MAP4: variants seen among roughly 807,000 people sequenced by gnomAD.
MAP4 encodes the protein microtubule-associated protein 4.
Under a neutral mutation model 170.2 loss-of-function variants are expected in MAP4, and 76 were observed. The observed-to-expected ratio is 0.45, with a 90% confidence interval of 0.37 to 0.54. The LOEUF is 0.54. MAP4 is among the 20% of genes least tolerant of loss of function. The pLI is 0.00. For synonymous variants in MAP4, 909 were observed against 994.5 expected (o/e 0.91, Z 1.62); for missense variants, 2,506 against 2,748.0 (o/e 0.91, Z 1.97).
intron 1 of MAP4, among the ~76,000 whole-genome samples, chr3:48,085,032 A>G (rs1359924840): frequency 6.6e-6 from 1 of 152,080 alleles, no homozygotes; most frequent in East Asian, 1.9e-4. Flanking sequence ...GTTTAGAAAG[A>G]CAAAGTGAAA....
intron 8 of MAP4, among the ~76,000 whole-genome samples, chr3:47,912,709 T>C (rs2100036614): frequency 6.6e-6 from 1 of 152,158 alleles, no homozygotes; most frequent in African/African-American, 2.4e-5. Context: ...ATTGAACTTT[T>C]AAAAATGAAA....
rs1364515356 is a variant in MAP4 at position 47,910,238 on chromosome 3, C to T, written c.4183G>A (p.Glu1395Lys). 6.2e-7 allele frequency: 1 copy of T among 1,610,062 alleles called. No homozygotes were observed. Among genetic ancestry groups the T allele is most frequent in the Non-Finnish European group, 8.5e-7 (1 of 1,179,802 alleles). ...TCAATTCCCTGGTCCCCTGTGGTTT[C>T]CATGGGAACATGTATTTTTGTTGCA... Reference protein sequence around the residue: ...IDATKIHVPMETTGDQGIEGM... With the variant: ...IDATKIHVPMKTTGDQGIEGM... Residue 1395 changes from glutamate to lysine, a missense_variant, in exon 9 of 21, where the codon GAA becomes AAA. This residue lies in a region of MAP4 where 2,008 missense variants were observed against 2,206.0 expected (regional missense o/e 0.91). Coordinates refer to ENST00000683076, the MANE Select transcript of MAP4 (RefSeq NM_001385682.1).
intron 1 of MAP4, among the ~76,000 whole-genome samples, chr3:48,073,220 T>C (rs945011100): frequency 6.1e-5 from 9 of 148,188 alleles, no homozygotes; most frequent in African/African-American, 2.3e-4. Flanking sequence ...AAAATAATCA[T>C]AATTTTAAAA....
At chr3:48,056,554 C>CA in intron 1 of MAP4, among the ~76,000 whole-genome samples, 2 of 99,164 alleles carry the variant, frequency 2.0e-5, no homozygotes, top group African/African-American at 6.1e-5. Flanking sequence ...TCTGCCCGGC[C>CA]GCCCCTACTG....
intron 10 of MAP4, among the ~76,000 whole-genome samples, chr3:47,880,242 G>A (rs972930487): frequency 2.6e-4 from 38 of 145,364 alleles, no homozygotes; most frequent in African/African-American, 1.3e-4. Context: ...TACAGTACCC[G>A]CCACCACACC....
At chr3:48,030,032 T>C (rs1453758387) in intron 1 of MAP4, among the ~76,000 whole-genome samples, 1 of 147,682 alleles carries the variant, frequency 6.8e-6, no homozygotes, top group African/African-American at 2.5e-5. Context: ...TATATATTCA[T>C]ATGTAATATT....
rs773359973 is a variant in MAP4 at position 47,869,316 on chromosome 3, C to T, written c.6306G>A (p.Glu2102=). The T allele has an allele frequency of 1.9e-6, 3 of 1,612,854 alleles. No homozygotes were observed. In the East Asian group the frequency reaches 6.7e-5, roughly 36 times the overall value. The change falls in exon 16 of 21, where the codon GAG becomes GAA. Residue 2102 remains glutamate, a synonymous_variant. Transcript: ENST00000683076. ...HQPGGGRAKV[E]KKTEAAATTR... ...TTGTAGCAGCTGCCTCTGTTTTTTT[C>T]TCTACTTTGGCCTGGATGGAGATAA...
At chr3:47,969,882 A>G (rs1021693632) in intron 3 of MAP4, among the ~76,000 whole-genome samples, 1 of 152,088 alleles carries the variant, frequency 6.6e-6, no homozygotes, top group African/African-American at 2.4e-5. Flanking sequence ...AAGAGTCTTA[A>G]GCAATGAGAG....
At position 47,891,371 on chromosome 3, in the gene MAP4, A is replaced by G. The variant is rs867164811; in HGVS notation, c.5434+11579T>C. Reference sequence around the variant, plus strand: ...TATCTCTTTAGTAGACAAGATGGGCAGTTTCCCAGGGCTCAATTTGTAGCT... The same window carrying G: ...TATCTCTTTAGTAGACAAGATGGGCGGTTTCCCAGGGCTCAATTTGTAGCT... On this transcript the variant is annotated intron_variant, in intron 10 of 20. Coordinates refer to ENST00000683076, the MANE Select transcript of MAP4 (RefSeq NM_001385682.1). The G allele has an allele frequency of 2.7e-5, 41 of 1,535,974 alleles. No individual in the cohort carries two copies. The Middle Eastern group carries it at 1.3e-3, about 50-fold the overall frequency.
chr3:47,963,279 T>C (rs1257570168), intron 3 of MAP4, among the ~76,000 whole-genome samples: 1 of 152,212 alleles, frequency 6.6e-6, no homozygotes, highest in Non-Finnish European at 1.5e-5. Context: ...CTGTAAGAAC[T>C]TTCTATGTGG....
Position 47,870,918 on chromosome 3 carries a change from G to A in MAP4, c.6189C>T (p.Pro2063=). ...PTSAKPSSTT[P]RLSRLATNTS... is the part of the protein sequence containing the mutation. ...TATTGGTGGCCAGGCGGCTGAGCCGGGGGGTGGTGGAGCTGGGTTTGGCCG... is the reference window on the plus strand; with the variant it reads ...TATTGGTGGCCAGGCGGCTGAGCCGAGGGGTGGTGGAGCTGGGTTTGGCCG... Residue 2063 remains proline (P), a synonymous_variant, in exon 15 of 21, where the codon CCC becomes CCT. Coordinates refer to ENST00000683076, the MANE Select transcript of MAP4 (RefSeq NM_001385682.1). 2 of 1,614,076 alleles carry A rather than the reference G, an allele frequency of 1.2e-6. No homozygotes were observed. Among genetic ancestry groups the A allele is most frequent in the Non-Finnish European group, 8.5e-7 (1 of 1,179,986 alleles).
chr3:47,939,388 T>A (rs2100054930), intron 3 of MAP4, among the ~76,000 whole-genome samples: 1 of 152,242 alleles, frequency 6.6e-6, no homozygotes. Context: ...ACTGTGCTTT[T>A]ACTACTTTTA....
At chr3:48,004,822 T>C (rs934853804) in intron 1 of MAP4, among the ~76,000 whole-genome samples, 3 of 151,658 alleles carry the variant, frequency 2.0e-5, no homozygotes, top group African/African-American at 7.3e-5. Context: ...CCATCCCCCA[T>C]AGTGGCAGCA....
rs1293431302 is a variant in MAP4, at chr3:48,055,178, CTCCCTCTCCCTCTCCCTCTCCG to C, written c.-20+33573_-20+33594del. Among the ~76,000 whole-genome samples, 231 of 33,730 alleles carry C rather than the reference CTCCCTCTCCCTCTCCCTCTCCG, an allele frequency of 6.8e-3. 1 individual carries two copies. Among genetic ancestry groups the C allele is most frequent in the African/African-American group, 0.015 (219 of 14,274 alleles). The allele number at this position is 33,730 out of a possible 152,430, so 22.1% of individuals were successfully genotyped here. On this transcript the variant is annotated intron_variant, in intron 1 of 18. Coordinates refer to the MAP4 transcript ENST00000360240. ...ACAAATGGCAGTTTCTTTAAAAAGT[CTCCCTCTCCCTCTCCCTCTCCG>C]TCTCCGTCTCCGTCTCCGTCTCCGT...
upstream of MAP4, among the ~76,000 whole-genome samples, chr3:48,016,916 G>A (rs1476681368): frequency 6.6e-6 from 1 of 151,882 alleles, no homozygotes; most frequent in Non-Finnish European, 1.5e-5. Context: ...AGCTGCGATT[G>A]CAGGCATGCA....
rs2100081058 is a variant in MAP4 at position 47,974,851 on chromosome 3, A to G, written c.292+3014T>C. On this transcript the variant is annotated intron_variant, in intron 3 of 20. Coordinates refer to ENST00000683076, the MANE Select transcript of MAP4 (RefSeq NM_001385682.1). ...TTCTAGGATTACTCAGAACTACTCA[A>G]TTTAAAAACTTAAAATATCTATCAT... 3 of 965,234 alleles carry G rather than the reference A, an allele frequency of 3.1e-6. No homozygotes were observed. In the African/African-American group the frequency reaches 5.3e-5, roughly 17 times the overall value. The allele number at this position is 965,234 out of a possible 1,614,324, so 59.8% of individuals were successfully genotyped here.
chr3:47,939,852 A>C (rs2100055221), intron 3 of MAP4, among the ~76,000 whole-genome samples: 1 of 151,842 alleles, frequency 6.6e-6, no homozygotes, highest in Non-Finnish European at 1.5e-5. Context: ...ATTTTTTTAA[A>C]AATTTTTTTG....
At chr3:48,017,445 T>TTA (rs1311655557), upstream of MAP4, among the ~76,000 whole-genome samples, 8 of 152,148 alleles carry the variant, frequency 5.3e-5, no homozygotes, top group African/African-American at 1.9e-4. Flanking sequence ...CACCTGATCT[T>TTA]TAAAGGGACC....
chr3:47,908,955 G>A (rs2100034536), intron 9 of MAP4, 83 bp downstream of exon 9: 1 of 1,383,246 alleles, frequency 7.2e-7, no homozygotes, highest in Non-Finnish European at 9.9e-7. Flanking sequence ...GAGTCTGGAT[G>A]GAGCCAAGAC....
Sources: allele counts gnomAD v4.1 joint callset (sites outside exome capture counted in the v4.1 genomes callset), GRCh38; gene constraint gnomAD v4.1.1; regional missense constraint gnomAD v4.1.1; transcripts MANE v1.5; gene names NCBI Gene and HGNC (gene_info 2026-07-23, HGNC 2026-07-21).